Variants in MEF2A observed in about 807,000 individuals in gnomAD.
The protein encoded by MEF2A is myocyte enhancer factor 2A.
In MEF2A, 28 loss-of-function variants were observed where a neutral mutation model predicts 55.8. The observed-to-expected ratio is 0.50, with a 90% CI of 0.37 to 0.69. MEF2A has a LOEUF of 0.69. Ranked by LOEUF, MEF2A falls within the 30% of genes least tolerant of loss-of-function variation. The probability of loss-of-function intolerance (pLI) is 0.00; values close to 1 mark genes in which losing one functional copy is unlikely to be tolerated. For synonymous variants in MEF2A, 239 were observed against 227.1 expected (o/e 1.05, Z -0.47); for missense variants, 528 against 626.2 (o/e 0.84, Z 1.67).
At position 99,688,485 on chromosome 15, in the gene MEF2A, C is replaced by T. The variant is rs144229495; in HGVS notation, c.671-1756C>T. Among the ~76,000 whole-genome samples the T allele has an allele frequency of 5.4e-3, 815 of 152,292 alleles. 2 individuals are homozygous for T. Among genetic ancestry groups the T allele is most frequent in the Non-Finnish European group, 9.5e-3 (643 of 68,024 alleles). ...GACTTAATAAAATGCTGGCCGGACACGTTGGCTCATGCCTGTAATCCCAGC... is the reference window on the plus strand; with the variant it reads ...GACTTAATAAAATGCTGGCCGGACATGTTGGCTCATGCCTGTAATCCCAGC... On this transcript the variant is annotated intron_variant, in intron 7 of 11. Transcript: ENST00000557942.
intron 4 of MEF2A, among the ~76,000 whole-genome samples, chr15:99,665,083 A>G (rs1053244065): frequency 6.6e-6 from 1 of 152,234 alleles, no homozygotes; most frequent in African/African-American, 2.4e-5. Flanking sequence ...TCTGGAAACA[A>G]GAATTATTTG....
intron 1 of MEF2A, among the ~76,000 whole-genome samples, chr15:99,595,022 C>T (rs528913953): frequency 2.6e-5 from 4 of 152,130 alleles, no homozygotes; most frequent in Admixed American, 6.6e-5. Flanking sequence ...TTTTTTTCCA[C>T]CTCTTTATTC....
intron 4 of MEF2A, among the ~76,000 whole-genome samples, chr15:99,650,471 C>A (rs1467651894): frequency 6.6e-6 from 1 of 152,138 alleles, no homozygotes; most frequent in Non-Finnish European, 1.5e-5. Flanking sequence ...TTAACATGGT[C>A]TAGTAAAGAC....
intron 7 of MEF2A, 55 bp downstream of exon 7, chr15:99,675,513 A>G: frequency 7.0e-7 from 1 of 1,431,830 alleles, no homozygotes; most frequent in East Asian, 2.3e-5. Context: ...ATGAGATCAA[A>G]GGAATGTTGT....
intron 8 of MEF2A, among the ~76,000 whole-genome samples, chr15:99,699,952 A>ATGTGTGTGTG (rs752346994): frequency 1.3e-3 from 170 of 130,620 alleles, no homozygotes; most frequent in Middle Eastern, 4.5e-3. Context: ...AAGAGTTTAT[A>ATGTGTGTGTG]TGTGTGTGTG....
At chr15:99,603,459 A>T (rs1180633785) in intron 2 of MEF2A, among the ~76,000 whole-genome samples, 1 of 146,580 alleles carries the variant, frequency 6.8e-6, no homozygotes, top group Non-Finnish European at 1.5e-5. Context: ...TACAACCTCC[A>T]CCTCCTGGCT....
At chr15:99,619,532 C>T (rs1160292447) in intron 2 of MEF2A, among the ~76,000 whole-genome samples, 1 of 152,162 alleles carries the variant, frequency 6.6e-6, no homozygotes, top group African/African-American at 2.4e-5. Flanking sequence ...AAGTGTATTG[C>T]TGTTGTTACT....
intron 8 of MEF2A, among the ~76,000 whole-genome samples, chr15:99,696,037 C>T (rs1042351218): frequency 6.6e-6 from 1 of 152,122 alleles, no homozygotes; most frequent in Non-Finnish European, 1.5e-5. Flanking sequence ...TAAGGAGGGA[C>T]GTGACATAGT....
At chr15:99,629,872 G>A (rs956547560) in intron 2 of MEF2A, among the ~76,000 whole-genome samples, 15 of 152,000 alleles carry the variant, frequency 9.9e-5, no homozygotes, top group Admixed American at 8.5e-4. Context: ...CCGTGGAAGC[G>A]GAAGTTGCAG....
At chr15:99,596,266 G>A (rs979936922) in intron 1 of MEF2A, among the ~76,000 whole-genome samples, 1 of 151,944 alleles carries the variant, frequency 6.6e-6, no homozygotes, top group Non-Finnish European at 1.5e-5. Flanking sequence ...CTAAATTTTG[G>A]CTTTACTTTG....
intron 2 of MEF2A, among the ~76,000 whole-genome samples, chr15:99,601,305 G>T (rs1457808984): frequency 6.6e-6 from 1 of 151,982 alleles, no homozygotes. Context: ...CAAATCATCT[G>T]TGTAGATCAT....
chr15:99,629,192 T>C (rs2042527834), intron 2 of MEF2A, among the ~76,000 whole-genome samples: 1 of 152,216 alleles, frequency 6.6e-6, no homozygotes, highest in Non-Finnish European at 1.5e-5. Context: ...CCCAACACTT[T>C]GGGAGGCCGA....
chr15:99,642,852 CA>C lies in MEF2A; in HGVS notation c.55-2706del, dbSNP rs2045277326. On this transcript the variant is annotated intron_variant, in intron 3 of 11. Coordinates refer to ENST00000557942, the MANE Select transcript of MEF2A (RefSeq NM_001319206.4). ...ACTTTCATTTTCTTCTAAATTTCACCAAATCTGGCAGATGAAAATTTGTAGT... is the reference window on the plus strand; with the variant it reads ...ACTTTCATTTTCTTCTAAATTTCACCAATCTGGCAGATGAAAATTTGTAGT... Among the ~76,000 whole-genome samples the C allele has an allele frequency of 2.6e-5, 4 of 152,118 alleles. No individual in the cohort carries two copies. In the South Asian group the frequency reaches 8.3e-4, roughly 31 times the overall value.
intron 4 of MEF2A, among the ~76,000 whole-genome samples, chr15:99,648,179 A>C (rs1470519789): frequency 6.6e-6 from 1 of 152,142 alleles, no homozygotes; most frequent in Non-Finnish European, 1.5e-5. Flanking sequence ...ATATTTTTGG[A>C]ATACCATTTT....
intron 4 of MEF2A, among the ~76,000 whole-genome samples, chr15:99,663,321 T>C (rs12907697): frequency 6.6e-6 from 1 of 152,126 alleles, no homozygotes; most frequent in Non-Finnish European, 1.5e-5. Context: ...TGCCAAAGAT[T>C]ATAGTAATAT....
intron 2 of MEF2A, among the ~76,000 whole-genome samples, chr15:99,610,445 C>A (rs1395066278): frequency 8.7e-6 from 1 of 115,378 alleles, no homozygotes; most frequent in Admixed American, 1.2e-4. Context: ...CCGAAATTGA[C>A]AAACTGATCC....
rs560898361 is a variant in MEF2A at position 99,584,613 on chromosome 15, A to C, written c.-224-13817A>C. 1.7e-4 allele frequency among the ~76,000 whole-genome samples: 26 copies of C among 152,306 alleles called. No homozygotes were observed. In the South Asian group the frequency reaches 4.1e-3, roughly 24 times the overall value. On this transcript the variant is annotated intron_variant, in intron 1 of 11. Coordinates refer to ENST00000557942, the MANE Select transcript of MEF2A (RefSeq NM_001319206.4). ...ATATTGTGTAATTCCATTTGTATGA[A>C]ATTTCTGGAATAGGCAAATGTATAG...
chr15:99,660,032 A>G lies in MEF2A; in HGVS notation c.259-11291A>G, dbSNP rs185532590. 2.0e-5 allele frequency among the ~76,000 whole-genome samples: 3 copies of G among 152,344 alleles called. No individual in the cohort carries two copies. In the East Asian group the frequency reaches 5.8e-4, roughly 29 times the overall value. ...ACCCTTCCAAAGAATAGTAAAAACAAAGAGCTTTCCTTTCCTCGTTATCTA... is the reference window on the plus strand; with the variant it reads ...ACCCTTCCAAAGAATAGTAAAAACAGAGAGCTTTCCTTTCCTCGTTATCTA... On this transcript the variant is annotated intron_variant, in intron 4 of 11. Transcript: ENST00000557942.
intron 1 of MEF2A, among the ~76,000 whole-genome samples, chr15:99,593,410 G>C (rs1247783374): frequency 2.0e-5 from 3 of 152,118 alleles, no homozygotes; most frequent in African/African-American, 7.2e-5. Context: ...CAGTTTTCTA[G>C]TTTAGTTCAA....
Sources: allele counts gnomAD v4.1 joint callset (sites outside exome capture counted in the v4.1 genomes callset), GRCh38; gene constraint gnomAD v4.1.1; transcripts MANE v1.5; gene names NCBI Gene and HGNC (gene_info 2026-07-23, HGNC 2026-07-21).